Variants in PPP2R2B observed in about 807,000 individuals in gnomAD.
PPP2R2B encodes protein phosphatase 2 regulatory subunit Bbeta.
Under a neutral mutation model 46.0 loss-of-function variants are expected in PPP2R2B, and 5 were observed. The observed-to-expected ratio is 0.11, with a 90% CI of 0.06 to 0.23. PPP2R2B has a LOEUF of 0.23. PPP2R2B is among the 10% of genes least tolerant of loss of function. The pLI is 1.00. For synonymous variants in PPP2R2B, 215 were observed against 206.7 expected, an observed-to-expected ratio of 1.04 and a Z score of -0.34; for missense variants, 367 against 575.0, an observed-to-expected ratio of 0.64 and a Z score of 3.70.
At chr5:146,863,560 C>T (rs1190066565) in intron 2 of PPP2R2B, among the ~76,000 whole-genome samples, 9 of 152,094 alleles carry the variant, frequency 5.9e-5, no homozygotes, top group Non-Finnish European at 1.2e-4. Context: ...TGCTTTAACA[C>T]TTTTAGTCCT....
rs112406705 is a variant in PPP2R2B, at chr5:146,618,976, T to G, written c.791-18516A>C. Reference sequence around the variant, plus strand: ...ATCTACAGTGACTCTGTGTGGCTGATAGCCAACAGTCCTACCCCCTTGTCC... The same window carrying G: ...ATCTACAGTGACTCTGTGTGGCTGAGAGCCAACAGTCCTACCCCCTTGTCC... On this transcript the variant is annotated intron_variant, in intron 7 of 9. Transcript: ENST00000394411. 7.1e-3 allele frequency among the ~76,000 whole-genome samples: 1,087 copies of G among 152,304 alleles called. 13 individuals are homozygous for G. The highest frequency in any genetic ancestry group is 0.025 in the African/African-American group (1,026 of 41,560).
intron 1 of PPP2R2B, among the ~76,000 whole-genome samples, chr5:146,925,155 A>G (rs1425528795): frequency 6.6e-6 from 1 of 152,168 alleles, no homozygotes; most frequent in South Asian, 2.1e-4. Context: ...ACACAGTCCT[A>G]TGTCTTTTAA....
chr5:147,067,905 G>T (rs553338018), intron 2 of PPP2R2B, among the ~76,000 whole-genome samples: 5 of 152,240 alleles, frequency 3.3e-5, no homozygotes, highest in African/African-American at 9.6e-5. Flanking sequence ...TCTTCCACTT[G>T]CTCTGACATC....
chr5:146,620,761 C>T (rs1773614554), intron 7 of PPP2R2B, among the ~76,000 whole-genome samples: 1 of 152,172 alleles, frequency 6.6e-6, no homozygotes, highest in African/African-American at 2.4e-5. Flanking sequence ...ATGCTCTCCC[C>T]TCCCTCCTTC....
At chr5:146,828,893 G>A (rs1758746588) in intron 2 of PPP2R2B, among the ~76,000 whole-genome samples, 1 of 152,100 alleles carries the variant, frequency 6.6e-6, no homozygotes, top group South Asian at 2.1e-4. Flanking sequence ...ATGATACCAA[G>A]TAACCACACA....
rs367989664 is a variant in PPP2R2B at position 146,660,094 on chromosome 5, T to C, written c.448-9370A>G. Among the ~76,000 whole-genome samples, 86 of 152,286 alleles carry C rather than the reference T, an allele frequency of 5.6e-4. 1 individual carries two copies. The South Asian group carries it at 0.017, about 30-fold the overall frequency. On this transcript the variant is annotated intron_variant, in intron 5 of 9. Coordinates refer to ENST00000394411, the MANE Select transcript of PPP2R2B (RefSeq NM_181675.4). ...AGTTTTGCAAATAGCTCCGTCCTCA[T>C]TGTCATGAAAATCTTGAACAATATG...
chr5:147,039,136 C>G (rs1473781547), intron 1 of PPP2R2B, among the ~76,000 whole-genome samples: 4 of 152,270 alleles, frequency 2.6e-5, no homozygotes, highest in African/African-American at 9.6e-5. Context: ...TGACCCTTTC[C>G]CATCAGTCAA....
chr5:146,766,734 C>T (rs534113122), intron 2 of PPP2R2B, among the ~76,000 whole-genome samples: 1 of 152,176 alleles, frequency 6.6e-6, no homozygotes, highest in South Asian at 2.1e-4. Flanking sequence ...TACCACAACA[C>T]CGTGGGCCCT....
chr5:146,712,523 A>G (rs548528776), intron 2 of PPP2R2B, among the ~76,000 whole-genome samples: 7 of 152,322 alleles, frequency 4.6e-5, no homozygotes, highest in African/African-American at 1.4e-4. Context: ...TAGAAAATCT[A>G]TTATATTTGA....
At chr5:146,967,898 C>A (rs1013532948) in intron 1 of PPP2R2B, among the ~76,000 whole-genome samples, 1 of 152,144 alleles carries the variant, frequency 6.6e-6, no homozygotes, top group African/African-American at 2.4e-5. Flanking sequence ...CTGCAGCAAA[C>A]AAGCTAGTGA....
intron 1 of PPP2R2B, among the ~76,000 whole-genome samples, chr5:146,896,663 A>AT (rs1373802318): frequency 6.6e-6 from 1 of 151,916 alleles, no homozygotes; most frequent in Admixed American, 6.6e-5. Flanking sequence ...TTGTTGTTTA[A>AT]TTTTTTAAGC....
At chr5:146,961,370 C>T (rs995433300) in intron 1 of PPP2R2B, among the ~76,000 whole-genome samples, 3 of 152,138 alleles carry the variant, frequency 2.0e-5, no homozygotes, top group Admixed American at 2.0e-4. Flanking sequence ...AATGCCTGGG[C>T]TACATGCTGA....
At chr5:146,933,099 C>G (rs1055422499) in intron 1 of PPP2R2B, among the ~76,000 whole-genome samples, 1 of 152,110 alleles carries the variant, frequency 6.6e-6, no homozygotes, top group African/African-American at 2.4e-5. Context: ...GTAACTAATT[C>G]TGTTTGCTCT....
intron 2 of PPP2R2B, among the ~76,000 whole-genome samples, chr5:146,794,727 C>T (rs1756414883): frequency 6.6e-6 from 1 of 152,178 alleles, no homozygotes; most frequent in African/African-American, 2.4e-5. Context: ...ACTGTTTGCA[C>T]ATCCTATTGC....
At chr5:146,710,155 T>G (rs1173021225) in intron 2 of PPP2R2B, among the ~76,000 whole-genome samples, 1 of 152,218 alleles carries the variant, frequency 6.6e-6, no homozygotes, top group Admixed American at 6.5e-5. Flanking sequence ...CTTACTGGGA[T>G]AGAATGCCAA....
Position 146,590,269 on chromosome 5 carries a change from T to TTTTC in PPP2R2B, c.1053-47_1053-44dup, listed in dbSNP as rs562089923. On this transcript the variant is annotated intron_variant, in intron 9 of 9. Coordinates refer to ENST00000394411, the MANE Select transcript of PPP2R2B (RefSeq NM_181675.4). ...AAGGCAATGACATATCTTCACTGTC[T>TTTTC]TTTCTTTTTGGAGCAAATGATACCA... The TTTTC allele has an allele frequency of 1.2e-3, 1,849 of 1,481,094 alleles. 30 individuals carry two copies. In the South Asian group the frequency reaches 0.019, roughly 15 times the overall value. 91.7% of individuals were successfully genotyped at this position (1,481,094 alleles called of 1,614,324 possible). A position where few individuals can be genotyped will look rare whatever the true frequency, so the allele number is the denominator to read the frequency against.
At chr5:146,886,222 C>G (rs915257764) in intron 1 of PPP2R2B, among the ~76,000 whole-genome samples, 18 of 152,040 alleles carry the variant, frequency 1.2e-4, no homozygotes, top group African/African-American at 2.9e-4. Context: ...CCCTGTAGTC[C>G]CAGTTACTCG....
intron 1 of PPP2R2B, among the ~76,000 whole-genome samples, chr5:146,981,525 AT>A (rs1318251840): frequency 3.3e-5 from 5 of 152,004 alleles, no homozygotes; most frequent in Non-Finnish European, 7.4e-5. Context: ...TTAATTAAAT[AT>A]TTTTTCCTTT....
At position 146,989,443 on chromosome 5, in the gene PPP2R2B, C is replaced by T. The variant is rs145165255; in HGVS notation, c.79+66222G>A. On this transcript the variant is annotated intron_variant, in intron 1 of 8. Coordinates refer to the PPP2R2B transcript ENST00000336640. ...TTCCAGGGATGCAAGGATGGTTCAA[C>T]ATATGAAAATCAATAAGTATGATGC... Among the ~76,000 whole-genome samples the T allele has an allele frequency of 3.2e-3, 493 of 152,104 alleles. 8 individuals carry two copies. Among genetic ancestry groups the T allele is most frequent in the Non-Finnish European group, 2.5e-3 (173 of 67,930 alleles).
Sources: gnomAD v4.1 joint callset for allele counts (sites outside exome capture counted in the v4.1 genomes callset) on GRCh38, gnomAD v4.1.1 for gene constraint, MANE v1.5 for transcripts, NCBI Gene and HGNC (gene_info 2026-07-23, HGNC 2026-07-21) for gene names.